FAM107B: variants seen among roughly 807,000 people sequenced by gnomAD.
The protein encoded by FAM107B is family with sequence similarity 107 member B, also known as protein FAM107B.
Under a neutral mutation model 31.5 loss-of-function variants are expected in FAM107B, and 21 were observed. The observed-to-expected ratio is 0.67, with a 90% CI of 0.47 to 0.96. The LOEUF (loss-of-function observed/expected upper bound fraction) is 0.96, where lower values mean the gene tolerates loss of function less well. FAM107B is among the 40% of genes least tolerant of loss of function. The pLI is 0.00. For missense variants in FAM107B, 452 were observed against 377.1 expected (o/e 1.20, Z -1.64); for synonymous variants, 157 against 141.5 (o/e 1.11, Z -0.78).
chr10:14,592,112 C>G (rs1040800999), intron 2 of FAM107B, among the ~76,000 whole-genome samples: 1 of 152,108 alleles, frequency 6.6e-6, no homozygotes, highest in African/African-American at 2.4e-5. Flanking sequence ...TCAGCAGATC[C>G]CTGGGCTTCC....
intron 1 of FAM107B, among the ~76,000 whole-genome samples, chr10:14,773,912 G>A (rs1390441601): frequency 6.6e-6 from 1 of 152,014 alleles, no homozygotes; most frequent in African/African-American, 2.4e-5. Flanking sequence ...GGGTGGAGGG[G>A]GAAATAGAAA....
intron 1 of FAM107B, among the ~76,000 whole-genome samples, chr10:14,721,408 G>C (rs929575381): frequency 6.6e-6 from 1 of 152,166 alleles, no homozygotes; most frequent in Non-Finnish European, 1.5e-5. Context: ...CTAGATCCTT[G>C]AGGAATAGCC....
At chr10:14,650,202 C>A (rs1254134054) in intron 2 of FAM107B, among the ~76,000 whole-genome samples, 3 of 149,956 alleles carry the variant, frequency 2.0e-5, no homozygotes, top group African/African-American at 7.3e-5. Flanking sequence ...CAGTCTTATT[C>A]GCATACAGTT....
rs1849392964 is a variant in FAM107B, at chr10:14,552,966, C to T, written c.470-22451G>A. Among the ~76,000 whole-genome samples the T allele has an allele frequency of 2.0e-5, 3 of 152,342 alleles. No individual in the cohort carries two copies. In the South Asian group the frequency reaches 6.2e-4, roughly 32 times the overall value. Reference sequence around the variant, plus strand: ...TAAACTTGCCACAGTAATTTGGCAGCTCTCTTGAGACTAGCGAAAGCACAC... The same window carrying T: ...TAAACTTGCCACAGTAATTTGGCAGTTCTCTTGAGACTAGCGAAAGCACAC... On this transcript the variant is annotated intron_variant, in intron 2 of 4. Transcript: ENST00000181796.
intron 2 of FAM107B, among the ~76,000 whole-genome samples, chr10:14,659,117 C>T (rs902403878): frequency 5.3e-5 from 8 of 152,100 alleles, no homozygotes; most frequent in Admixed American, 2.0e-4. Context: ...TAGCATTTTC[C>T]GTAATTAAAG....
chr10:14,595,422 C>CATTT (rs1852155202), intron 2 of FAM107B, among the ~76,000 whole-genome samples: 1 of 98,146 alleles, frequency 1.0e-5, no homozygotes, highest in Non-Finnish European at 2.0e-5. Flanking sequence ...CTAGGGCAAC[C>CATTT]TTTTTTTTTT....
chr10:14,553,511 G>T, intron 2 of FAM107B: 1 of 436,094 alleles, frequency 2.3e-6, no homozygotes, highest in Non-Finnish European at 4.0e-6. Context: ...AATTAACAAT[G>T]GGTAAGAAGG....
chr10:14,691,010 G>C (rs558941558), intron 1 of FAM107B, among the ~76,000 whole-genome samples: 32 of 152,168 alleles, frequency 2.1e-4, no homozygotes, highest in South Asian at 1.0e-3. Context: ...GTATGACACG[G>C]TCTTCGTGAC....
chr10:14,565,375 T>C (rs1036334774), intron 2 of FAM107B, among the ~76,000 whole-genome samples: 8 of 152,030 alleles, frequency 5.3e-5, no homozygotes, highest in Admixed American at 2.6e-4. Flanking sequence ...TCGGCAGACA[T>C]AGGCGCATGG....
At chr10:14,751,092 TGAG>T (rs1832818492) in intron 1 of FAM107B, among the ~76,000 whole-genome samples, 1 of 152,280 alleles carries the variant, frequency 6.6e-6, no homozygotes, top group Middle Eastern at 3.4e-3. Context: ...CGCTAGGTAA[TGAG>T]GAGGAAGCAC....
At chr10:14,649,477 C>T (rs564287355) in intron 2 of FAM107B, among the ~76,000 whole-genome samples, 8 of 152,342 alleles carry the variant, frequency 5.3e-5, no homozygotes, top group Admixed American at 5.2e-4. Flanking sequence ...AGCCTGCTAT[C>T]TGGAGGCTTC....
At chr10:14,677,575 G>A (rs535243742) in intron 1 of FAM107B, among the ~76,000 whole-genome samples, 1 of 151,998 alleles carries the variant, frequency 6.6e-6, no homozygotes, top group African/African-American at 2.4e-5. Flanking sequence ...GAGCAGAGAT[G>A]GCGCCACTGC....
intron 2 of FAM107B, among the ~76,000 whole-genome samples, chr10:14,578,265 G>C (rs1375617931): frequency 2.6e-5 from 4 of 152,174 alleles, no homozygotes; most frequent in Admixed American, 6.5e-5. Context: ...CTGGATGCTG[G>C]ATCCTTCATT....
chr10:14,654,941 T>C (rs1854004692), intron 2 of FAM107B, among the ~76,000 whole-genome samples: 1 of 152,190 alleles, frequency 6.6e-6, no homozygotes, highest in African/African-American at 2.4e-5. Context: ...TGGGGTAGTG[T>C]CTCAGTTCAT....
Position 14,702,166 on chromosome 10 carries a change from T to C in FAM107B, c.412-34475A>G, listed in dbSNP as rs1026732372. Among the ~76,000 whole-genome samples the C allele has an allele frequency of 2.3e-4, 35 of 152,350 alleles. 1 individual carries two copies. The highest frequency in any genetic ancestry group is 1.8e-3 in the Admixed American group (27 of 15,308). ...TTCTTAAGGAACAAAGACACGCACA[T>C]AGCTTGTTTATGCTCATCCACAATA... On this transcript the variant is annotated intron_variant, in intron 1 of 4. Coordinates refer to ENST00000181796, the MANE Select transcript of FAM107B (RefSeq NM_031453.4).
intron 1 of FAM107B, among the ~76,000 whole-genome samples, chr10:14,684,955 G>C (rs968109218): frequency 6.6e-6 from 1 of 151,412 alleles, no homozygotes; most frequent in African/African-American, 2.4e-5. Flanking sequence ...CAATCAGCTG[G>C]GACCACAGGC....
chr10:14,680,680 G>A (rs745993563), intron 1 of FAM107B, among the ~76,000 whole-genome samples: 1 of 151,906 alleles, frequency 6.6e-6, no homozygotes. Context: ...CCATTCTTCT[G>A]GCAAATTCCC....
intron 1 of FAM107B, among the ~76,000 whole-genome samples, chr10:14,731,989 T>C (rs1162615950): frequency 1.3e-5 from 2 of 152,322 alleles, no homozygotes; most frequent in Non-Finnish European, 2.9e-5. Flanking sequence ...TGCCCTCCTG[T>C]GATGCTACTG....
chr10:14,531,363 A>G (rs992091614), intron 2 of FAM107B, among the ~76,000 whole-genome samples: 2 of 151,914 alleles, frequency 1.3e-5, no homozygotes, highest in African/African-American at 2.4e-5. Flanking sequence ...TTTAAAAAAC[A>G]TTGGAAATGC....
Sources: gnomAD v4.1 joint callset for allele counts (sites outside exome capture counted in the v4.1 genomes callset) on GRCh38, gnomAD v4.1.1 for gene constraint, MANE v1.5 for transcripts, NCBI Gene and HGNC (gene_info 2026-07-23, HGNC 2026-07-21) for gene names.